Variants in AOX1 observed in about 807,000 individuals in gnomAD.
AOX1 encodes the protein aldehyde oxidase 1, also known as aldehyde oxidase.
AOX1 carries 153 observed loss-of-function variants against 169.5 expected under a neutral mutation model. The ratio of observed to expected loss-of-function variants is 0.90; its 90% CI spans 0.79 to 1.03. The LOEUF (loss-of-function observed/expected upper bound fraction) is 1.03, where lower values mean the gene tolerates loss of function less well. Among genes scored for constraint, AOX1 ranks in the 50% least tolerant of loss-of-function variants. The pLI is 0.00. For synonymous variants in AOX1, 562 were observed against 581.9 expected, an observed-to-expected ratio of 0.97 and a Z score of 0.49; for missense variants, 1,656 against 1,663.9, an observed-to-expected ratio of 1.00 and a Z score of 0.08.
At chr2:200,654,901 G>A (rs1574955694) in intron 26 of AOX1, among the ~76,000 whole-genome samples, 1 of 152,110 alleles carries the variant, frequency 6.6e-6, no homozygotes, top group East Asian at 1.9e-4. Context: ...ATTTTAAATG[G>A]CCCAAGGAGA....
intron 32 of AOX1, among the ~76,000 whole-genome samples, chr2:200,668,159 G>A (rs1208013555): frequency 1.3e-5 from 2 of 150,782 alleles, no homozygotes; most frequent in African/African-American, 4.9e-5. Context: ...GGGCTGGAGT[G>A]CAATGGTGCA....
chr2:200,598,828 G>A (rs1388213521), intron 4 of AOX1, among the ~76,000 whole-genome samples: 1 of 151,956 alleles, frequency 6.6e-6, no homozygotes, highest in African/African-American at 2.4e-5. Flanking sequence ...AAAGATAGGA[G>A]CAACATAGAA....
intron 12 of AOX1, among the ~76,000 whole-genome samples, chr2:200,610,233 A>G (rs2034607008): frequency 6.6e-6 from 1 of 152,056 alleles, no homozygotes; most frequent in African/African-American, 2.4e-5. Flanking sequence ...CACCATGCCC[A>G]GCTAATTTTT....
At position 200,670,660 on chromosome 2, in the gene AOX1, CTTGGA is replaced by C; in HGVS notation, c.3999_4003del (p.Trp1334CysfsTer53). The C allele has an allele frequency of 6.2e-7, 1 of 1,612,666 alleles. No individual in the cohort carries two copies. The highest frequency in any genetic ancestry group is 8.5e-7 in the Non-Finnish European group (1 of 1,179,342). On this transcript the variant is annotated frameshift_variant, in exon 35 of 35. Coordinates refer to ENST00000374700, the MANE Select transcript of AOX1 (RefSeq NM_001159.4). LOFTEE classifies it high-confidence loss of function. ...AGAGATGAACCTGGATCCTACGTTC[CTTGGA>C]ATGTACCCATCTGAATCAAATGCAA...
chr2:200,659,473 C>T (rs1274025021), intron 28 of AOX1, among the ~76,000 whole-genome samples, 180 bp downstream of exon 28: 1 of 152,192 alleles, frequency 6.6e-6, no homozygotes, highest in Non-Finnish European at 1.5e-5. Context: ...CTCTTTTTCT[C>T]CCTCACTCCT....
At chr2:200,662,821 G>T (rs780111938) in intron 30 of AOX1, 34 bp from the exon 31 acceptor site, 1 of 1,555,198 alleles carries the variant, frequency 6.4e-7, no homozygotes, top group Non-Finnish European at 8.9e-7. Flanking sequence ...ATTAGGGGAC[G>T]TGATCACTTA....
chr2:200,669,496 T>G (rs1419515381), intron 33 of AOX1, 79 bp from the exon 34 acceptor site: 3 of 1,454,970 alleles, frequency 2.1e-6, no homozygotes, highest in Admixed American at 2.1e-5. Context: ...TTTTTATATA[T>G]GCACATATGC....
rs1035410729 is a variant in AOX1, at chr2:200,670,754, A to G, written c.*75A>G. 2.5e-6 allele frequency: 3 copies of G among 1,188,140 alleles called. No individual in the cohort carries two copies. The Admixed American group carries it at 5.5e-5, about 22-fold the overall frequency. 73.6% of individuals were successfully genotyped at this position (1,188,140 alleles called of 1,614,324 possible). A position where few individuals can be genotyped will look rare whatever the true frequency, so the allele number is the denominator to read the frequency against. On this transcript the variant is annotated 3_prime_UTR_variant, in exon 35 of 35. Coordinates refer to ENST00000374700, the MANE Select transcript of AOX1 (RefSeq NM_001159.4). ...ATCTGTCCTATCTCTGTGCTGGAAG[A>G]TGCTAGATCTGAAAGACAGAGTTTC... is the stretch of plus-strand genomic sequence containing the variant.
chr2:200,613,042 G>A (rs961591593), intron 14 of AOX1, among the ~76,000 whole-genome samples: 2 of 151,438 alleles, frequency 1.3e-5, no homozygotes, highest in Non-Finnish European at 2.9e-5. Context: ...GAGAGAGAGA[G>A]AGACAGACAG....
downstream of AOX1, among the ~76,000 whole-genome samples, chr2:200,677,632 ATGT>A (rs1487786078): frequency 1.3e-5 from 2 of 152,326 alleles, no homozygotes. Context: ...ACATTTTAAC[ATGT>A]TGTCCTTTAT....
intron 10 of AOX1, among the ~76,000 whole-genome samples, chr2:200,607,232 G>A (rs1421537775): frequency 6.6e-6 from 1 of 152,180 alleles, no homozygotes; most frequent in East Asian, 1.9e-4. Context: ...TGCATCTATA[G>A]AGATAATCAT....
Position 200,592,129 on chromosome 2 carries a change from T to C in AOX1, c.46-1017T>C, listed in dbSNP as rs549220348. On this transcript the variant is annotated intron_variant, in intron 1 of 34. Coordinates refer to ENST00000374700, the MANE Select transcript of AOX1 (RefSeq NM_001159.4). ...GAGAGCCAATTAAGTTGAAGATACC[T>C]GAGAGGCACCCCATATTTTTTCTTA... Among the ~76,000 whole-genome samples the C allele has an allele frequency of 1.6e-3, 241 of 152,282 alleles. 2 individuals are homozygous for C. The highest frequency in any genetic ancestry group is 5.5e-3 in the African/African-American group (229 of 41,558).
chr2:200,611,042 G>C (rs527625478), intron 12 of AOX1, among the ~76,000 whole-genome samples: 2 of 152,060 alleles, frequency 1.3e-5, no homozygotes, highest in South Asian at 4.2e-4. Context: ...TTTTAGCAGA[G>C]AGAGGTTTCA....
At position 200,617,864 on chromosome 2, in the gene AOX1, G is replaced by A. The variant is rs145343531; in HGVS notation, c.1704+1801G>A. Among the ~76,000 whole-genome samples the A allele has an allele frequency of 6.4e-3, 969 of 152,248 alleles. 3 individuals are homozygous for A. The highest frequency in any genetic ancestry group is 8.6e-3 in the Non-Finnish European group (588 of 68,018). ...CTTTGGGGGATATTTTGCAGAGGAA[G>A]TCAATTCCTACCATCTGCAACATAT... On this transcript the variant is annotated intron_variant, in intron 16 of 34. Transcript: ENST00000374700.
chr2:200,637,621 ATGTATATGTG>A (rs1042727462), intron 22 of AOX1, among the ~76,000 whole-genome samples: 1 of 152,066 alleles, frequency 6.6e-6, no homozygotes, highest in African/African-American at 2.4e-5. Context: ...ATGTGTATAT[ATGTATATGTG>A]TGTATATGTA....
chr2:200,607,297 T>C (rs1313039688), intron 10 of AOX1, among the ~76,000 whole-genome samples: 1 of 152,198 alleles, frequency 6.6e-6, no homozygotes, highest in Non-Finnish European at 1.5e-5. Flanking sequence ...TTGATTTGCA[T>C]ATATTGAACC....
Position 200,623,922 on chromosome 2 carries a change from G to A in AOX1, c.2063G>A (p.Arg688Gln), listed in dbSNP as rs140180293. The A allele has an allele frequency of 3.9e-5, 63 of 1,614,140 alleles. No homozygotes were observed. The African/African-American group carries it at 4.3e-4, about 11-fold the overall frequency. The change falls in exon 19 of 35, where the codon CGA becomes CAA. Residue 688 changes from arginine (R) to glutamine (Q), a missense_variant. Coordinates refer to ENST00000374700, the MANE Select transcript of AOX1 (RefSeq NM_001159.4). ...VLADSEVQAK[R>Q]AAKRVKIVYQ... Reference sequence around the variant, plus strand: ...GCCGATTCTGAGGTTCAGGCAAAGCGAGCTGCTAAGCGAGTGAAGATTGTC... The same window carrying A: ...GCCGATTCTGAGGTTCAGGCAAAGCAAGCTGCTAAGCGAGTGAAGATTGTC...
chr2:200,669,025 T>G (rs983173365), intron 33 of AOX1, among the ~76,000 whole-genome samples: 9 of 152,226 alleles, frequency 5.9e-5, no homozygotes, highest in African/African-American at 2.2e-4. Flanking sequence ...TTCTATCTAA[T>G]TTTTCACCTT....
intron 16 of AOX1, among the ~76,000 whole-genome samples, chr2:200,616,405 C>T (rs1006016628): frequency 6.6e-6 from 1 of 152,258 alleles, no homozygotes; most frequent in Non-Finnish European, 1.5e-5. Context: ...TAAAGCCACG[C>T]TCTGCGGCAA....
Sources: allele counts gnomAD v4.1 joint callset (sites outside exome capture counted in the v4.1 genomes callset), GRCh38; gene constraint gnomAD v4.1.1; transcripts MANE v1.5; gene names NCBI Gene and HGNC (gene_info 2026-07-23, HGNC 2026-07-21).